FIRRM: variants seen among roughly 807,000 people sequenced by gnomAD.
FIRRM encodes FIGNL1-interacting regulator of recombination and mitosis.
the FIRRM span, chr1:169,853,454 T>G: frequency 6.6e-6 from 3 of 455,610 alleles, no homozygotes; most frequent in Non-Finnish European, 3.9e-6. Context: ...CTACTTGCTC[T>G]TCATAGAAAC....
At chr1:169,846,061 T>G in the FIRRM span, among the ~76,000 whole-genome samples, 1 of 152,266 alleles carries the variant, frequency 6.6e-6, no homozygotes, top group Non-Finnish European at 1.5e-5. Context: ...GCAGAATGAC[T>G]GTTGTATTAA....
At chr1:169,847,854 G>GTT in the FIRRM span, 426 of 1,257,692 alleles carry the variant, frequency 3.4e-4, no homozygotes, top group Non-Finnish European at 4.2e-4. Flanking sequence ...ATCTCTATAA[G>GTT]AGTTAGTGAT....
chr1:169,803,252 T>C, the FIRRM span: 2 of 1,613,898 alleles, frequency 1.2e-6, no homozygotes, highest in Non-Finnish European at 1.7e-6. Context: ...TGGAAAATAT[T>C]CAGAGTCTCC....
chr1:169,846,859 C>G, the FIRRM span, among the ~76,000 whole-genome samples: 1 of 152,152 alleles, frequency 6.6e-6, no homozygotes, highest in Non-Finnish European at 1.5e-5. Context: ...CACGACTTGG[C>G]TAACTTGCAA....
chr1:169,850,599 C>G, the FIRRM span: 2 of 289,082 alleles, frequency 6.9e-6, no homozygotes, highest in Non-Finnish European at 1.3e-5. Flanking sequence ...AGTTCAAGAC[C>G]AGCCTGGCCA....
At chr1:169,838,922 C>CCTTACCATCT in the FIRRM span, among the ~76,000 whole-genome samples, 1 of 152,104 alleles carries the variant, frequency 6.6e-6, no homozygotes, top group East Asian at 1.9e-4. Flanking sequence ...GTTTATCAAC[C>CCTTACCATCT]CTTACCATCT....
the FIRRM span, among the ~76,000 whole-genome samples, chr1:169,786,117 G>C: frequency 3.3e-5 from 5 of 152,112 alleles, no homozygotes; most frequent in Admixed American, 3.3e-4. Context: ...AAAGAGGGAG[G>C]TTATATAAAT....
chr1:169,839,951 T>C, the FIRRM span, among the ~76,000 whole-genome samples: 1 of 152,296 alleles, frequency 6.6e-6, no homozygotes, highest in Admixed American at 6.5e-5. Context: ...GTAGGCTAGC[T>C]AGCTATCCCA....
the FIRRM span, among the ~76,000 whole-genome samples, chr1:169,790,033 A>G: frequency 6.6e-6 from 1 of 152,222 alleles, no homozygotes; most frequent in Non-Finnish European, 1.5e-5. Context: ...CCCTTAAATG[A>G]TTAAATGATA....
the FIRRM span, among the ~76,000 whole-genome samples, chr1:169,813,487 T>C: frequency 6.6e-6 from 1 of 152,224 alleles, no homozygotes; most frequent in Non-Finnish European, 1.5e-5. Flanking sequence ...CCTATTTTCG[T>C]CTACTAGAAA....
At chr1:169,853,994 A>C in the FIRRM span, 3 of 614,636 alleles carry the variant, frequency 4.9e-6, no homozygotes, top group African/African-American at 1.9e-5. Flanking sequence ...AATCCAGTAA[A>C]AATCAGTGTG....
At chr1:169,823,433 C>T in the FIRRM span, 1 of 1,602,412 alleles carries the variant, frequency 6.2e-7, no homozygotes, top group Non-Finnish European at 8.5e-7. Flanking sequence ...CTCTCTGATT[C>T]TTGCTGTACT....
chr1:169,794,992 C>T, the FIRRM span: 2 of 819,332 alleles, frequency 2.4e-6, no homozygotes, highest in East Asian at 5.4e-5. Flanking sequence ...CAGCCGCCCT[C>T]CTCTCTATGG....
the FIRRM span, chr1:169,830,140 T>C: frequency 2.2e-5 from 17 of 776,758 alleles, no homozygotes; most frequent in South Asian, 2.9e-4. Context: ...AACTCCCCCA[T>C]TGAGGATCTG....
At chr1:169,805,597 C>T in the FIRRM span, among the ~76,000 whole-genome samples, 100 of 152,264 alleles carry the variant, frequency 6.6e-4, no homozygotes, top group African/African-American at 2.3e-3. Context: ...CTACCACAGA[C>T]TGAGTAAAAG....
chr1:169,788,130 T>C, the FIRRM span, among the ~76,000 whole-genome samples: 2 of 152,226 alleles, frequency 1.3e-5, no homozygotes, highest in African/African-American at 4.8e-5. Flanking sequence ...CACTTGGGGT[T>C]TCATGAGACT....
At chr1:169,787,024 T>C in the FIRRM span, among the ~76,000 whole-genome samples, 2 of 152,156 alleles carry the variant, frequency 1.3e-5, no homozygotes, top group African/African-American at 4.8e-5. Context: ...GCTAACTGGA[T>C]TATGTTTAGA....
the FIRRM span, among the ~76,000 whole-genome samples, chr1:169,790,718 C>T: frequency 6.6e-6 from 1 of 152,132 alleles, no homozygotes; most frequent in African/African-American, 2.4e-5. Context: ...TCATTGAAAC[C>T]AATTAATGTA....
At chr1:169,804,331 C>T in the FIRRM span, 1 of 959,946 alleles carries the variant, frequency 1.0e-6, no homozygotes, top group Non-Finnish European at 1.4e-6. Flanking sequence ...TATTTTCTTA[C>T]TAATTATGCA....
Sources: gnomAD v4.1 joint callset for allele counts (sites outside exome capture counted in the v4.1 genomes callset) on GRCh38, gnomAD v4.1.1 for gene constraint, MANE v1.5 for transcripts, NCBI Gene and HGNC (gene_info 2026-07-23, HGNC 2026-07-21) for gene names.